ADAMTS17: variants seen among roughly 807,000 people sequenced by gnomAD.
ADAMTS17 encodes the protein A disintegrin and metalloproteinase with thrombospondin motifs 17.
ADAMTS17 carries 113 observed loss-of-function variants against 141.5 expected under a neutral mutation model. That is an observed-to-expected ratio of 0.80 (90% CI 0.69 to 0.93). The LOEUF (loss-of-function observed/expected upper bound fraction) is 0.93, where lower values mean the gene tolerates loss of function less well. Among genes scored for constraint, ADAMTS17 ranks in the 40% least tolerant of loss-of-function variants. ADAMTS17 has a pLI of 0.00. For missense variants in ADAMTS17, 1,659 were observed against 1,517.9 expected (o/e 1.09, Z -1.54); for synonymous variants, 768 against 630.6 (o/e 1.22, Z -3.27).
chr15:100,329,048 T>C (rs946706690), intron 3 of ADAMTS17, among the ~76,000 whole-genome samples: 3 of 152,130 alleles, frequency 2.0e-5, no homozygotes, highest in Admixed American at 2.0e-4. Flanking sequence ...GTCTTTACTT[T>C]GCCAGATGTC....
At chr15:99,998,222 G>A (rs1038691919) in intron 18 of ADAMTS17, among the ~76,000 whole-genome samples, 4 of 152,190 alleles carry the variant, frequency 2.6e-5, no homozygotes, top group African/African-American at 7.2e-5. Flanking sequence ...TGGGCCCTCC[G>A]GAGATGGCTG....
At chr15:100,024,620 C>T (rs559795846) in intron 18 of ADAMTS17, among the ~76,000 whole-genome samples, 1 of 152,310 alleles carries the variant, frequency 6.6e-6, no homozygotes, top group Non-Finnish European at 1.5e-5. Flanking sequence ...ACCCACTAGC[C>T]TGTTGGGTAT....
chr15:100,213,471 C>T (rs560311174), intron 7 of ADAMTS17, among the ~76,000 whole-genome samples: 1 of 152,268 alleles, frequency 6.6e-6, no homozygotes, highest in African/African-American at 2.4e-5. Context: ...GCTTCCTCCC[C>T]GTCCACAGCA....
At chr15:100,305,605 G>A (rs896308430) in intron 3 of ADAMTS17, among the ~76,000 whole-genome samples, 1 of 152,210 alleles carries the variant, frequency 6.6e-6, no homozygotes, top group Non-Finnish European at 1.5e-5. Context: ...GGGCCATGGT[G>A]GGGTCTTACA....
intron 8 of ADAMTS17, among the ~76,000 whole-genome samples, chr15:100,165,211 C>T (rs1253844977): frequency 6.6e-6 from 1 of 152,206 alleles, no homozygotes; most frequent in African/African-American, 2.4e-5. Context: ...TCCCACTTGA[C>T]AAAGACAGTC....
intron 8 of ADAMTS17, among the ~76,000 whole-genome samples, chr15:100,194,926 G>A (rs748494883): frequency 2.6e-5 from 4 of 152,180 alleles, no homozygotes; most frequent in South Asian, 2.1e-4. Context: ...AACGGCCACC[G>A]CAGGATGGAG....
In ADAMTS17 at chr15:100,096,375, G is replaced by A; in HGVS notation, c.2118C>T (p.Phe706=). 6.2e-7 allele frequency: 1 copy of A among 1,614,028 alleles called. No homozygotes were observed. Among genetic ancestry groups the A allele is most frequent in the Non-Finnish European group, 8.5e-7 (1 of 1,180,046 alleles). Residue 706 remains phenylalanine (F), a synonymous_variant, in exon 15 of 22, where the codon TTC becomes TTT. Transcript: ENST00000268070. ...GKTCHLVKGD[F]SHARGTALKD... is the part of the protein sequence containing the mutation. Reference sequence around the variant, plus strand: ...ACTCACCTGTCCCCCGGGCGTGGCTGAAGTCGCCCTTCACCAAGTGGCAGG... The same window carrying A: ...ACTCACCTGTCCCCCGGGCGTGGCTAAAGTCGCCCTTCACCAAGTGGCAGG...
rs2045329111 is a variant in ADAMTS17, at chr15:100,309,325, C to A, written c.616+21564G>T. 2.0e-5 allele frequency among the ~76,000 whole-genome samples: 3 copies of A among 152,256 alleles called. No homozygotes were observed. The South Asian group carries it at 6.2e-4, about 31-fold the overall frequency. On this transcript the variant is annotated intron_variant, in intron 3 of 21. Transcript: ENST00000268070. ...AGTGAGCTGTGATTGTGCCACTGCA[C>A]TCCAGACTGGGTGACAGGGCGACAC...
intron 14 of ADAMTS17, among the ~76,000 whole-genome samples, chr15:100,107,206 G>A (rs1373723264): frequency 6.6e-6 from 1 of 152,172 alleles, no homozygotes; most frequent in Non-Finnish European, 1.5e-5. Context: ...CTCTTGTTCT[G>A]TTTGTCACGC....
At chr15:100,162,275 A>G (rs549554513) in intron 8 of ADAMTS17, among the ~76,000 whole-genome samples, 2 of 151,870 alleles carry the variant, frequency 1.3e-5, no homozygotes, top group Admixed American at 6.6e-5. Context: ...GCCTTCAGTC[A>G]AAGTAGCCTT....
chr15:100,186,173 G>A (rs79110642), intron 8 of ADAMTS17, among the ~76,000 whole-genome samples: 15,135 of 152,252 alleles, frequency 0.099, 888 homozygotes, highest in East Asian at 0.29. Context: ...CTCGCTGGCA[G>A]TGATACTGTC....
At chr15:100,001,783 C>T (rs566306138) in intron 18 of ADAMTS17, among the ~76,000 whole-genome samples, 55 of 151,824 alleles carry the variant, frequency 3.6e-4, no homozygotes, top group Non-Finnish European at 6.9e-4. Context: ...TCAGCCTGGC[C>T]GGTATGGTGA....
At chr15:100,163,742 C>G (rs12439716) in intron 8 of ADAMTS17, among the ~76,000 whole-genome samples, 2 of 152,306 alleles carry the variant, frequency 1.3e-5, no homozygotes, top group East Asian at 3.9e-4. Flanking sequence ...TAGACAGACA[C>G]AGTTGAATAT....
At chr15:100,086,154 C>G (rs1307174263) in intron 15 of ADAMTS17, among the ~76,000 whole-genome samples, 1 of 152,010 alleles carries the variant, frequency 6.6e-6, no homozygotes, top group Admixed American at 6.5e-5. Context: ...GAAGGAAGAC[C>G]TACCAAGCAG....
chr15:100,083,663 G>A (rs1254421080), intron 15 of ADAMTS17, among the ~76,000 whole-genome samples: 1 of 151,438 alleles, frequency 6.6e-6, no homozygotes. Flanking sequence ...TGTTTGGAGA[G>A]ACTTCACAAA....
At chr15:100,101,969 G>T (rs1435191832) in intron 14 of ADAMTS17, among the ~76,000 whole-genome samples, 1 of 152,124 alleles carries the variant, frequency 6.6e-6, no homozygotes, top group Non-Finnish European at 1.5e-5. Flanking sequence ...GTGCCACCAG[G>T]GCCTGTAGTG....
intron 8 of ADAMTS17, among the ~76,000 whole-genome samples, chr15:100,160,315 C>T (rs6598308): frequency 0.65 from 99,282 of 152,042 alleles, 32,606 homozygotes; most frequent in African/African-American, 0.69. Flanking sequence ...GTATTCTAAC[C>T]GTGCACTTGG....
At chr15:100,074,285 C>A (rs2034209079) in intron 15 of ADAMTS17, 1 of 152,114 alleles carries the variant, frequency 6.6e-6, no homozygotes, top group African/African-American at 2.4e-5. Context: ...TTTATTACAA[C>A]AAGAATGCTT....
At position 100,109,402 on chromosome 15, in the gene ADAMTS17, A is replaced by C. The variant is rs56831961; in HGVS notation, c.1889-286T>G. On this transcript the variant is annotated intron_variant, in intron 13 of 21. Coordinates refer to ENST00000268070, the MANE Select transcript of ADAMTS17 (RefSeq NM_139057.4). ...TTAAGGCATCAACTATACCCGGTGA[A>C]CAAAGGAAGAGTTGTGTGCTAATCT... is the stretch of plus-strand genomic sequence containing the variant. Among the ~76,000 whole-genome samples the C allele has an allele frequency of 0.054, 8,109 of 151,372 alleles. 440 individuals are homozygous for C. Among genetic ancestry groups the C allele is most frequent in the South Asian group, 0.16 (767 of 4,778 alleles).
Sources: gnomAD v4.1 joint callset for allele counts (sites outside exome capture counted in the v4.1 genomes callset) on GRCh38, gnomAD v4.1.1 for gene constraint, MANE v1.5 for transcripts, NCBI Gene and HGNC (gene_info 2026-07-23, HGNC 2026-07-21) for gene names.